CNBD1: variants seen among roughly 807,000 people sequenced by gnomAD.
CNBD1 encodes cyclic nucleotide-binding domain-containing protein 1.
A neutral mutation model predicts 54.4 loss-of-function variants in CNBD1; 71 were observed. The ratio of observed to expected loss-of-function variants is 1.30; its 90% confidence interval spans 1.08 to 1.59. The LOEUF (loss-of-function observed/expected upper bound fraction) is 1.59. Ranked by LOEUF, CNBD1 falls within the 40% of genes most tolerant of loss-of-function variation. The probability of loss-of-function intolerance (pLI) is 0.00; values close to 1 mark genes in which losing one functional copy is unlikely to be tolerated. For missense variants in CNBD1, 659 were observed against 518.0 expected, an observed-to-expected ratio of 1.27 and a Z score of -2.64; for synonymous variants, 182 against 170.7, an observed-to-expected ratio of 1.07 and a Z score of -0.51.
At chr8:87,025,508 A>T (rs971064377) in intron 4 of CNBD1, among the ~76,000 whole-genome samples, 1 of 152,188 alleles carries the variant, frequency 6.6e-6, no homozygotes, top group African/African-American at 2.4e-5. Flanking sequence ...TAAGAGCTGT[A>T]ACACTCACTG....
chr8:87,363,000 C>T (rs1374239914), intron 10 of CNBD1, among the ~76,000 whole-genome samples: 2 of 152,048 alleles, frequency 1.3e-5, no homozygotes, highest in Admixed American at 6.6e-5. Flanking sequence ...GCTATCCCTC[C>T]TCTAGTACGC....
chr8:87,291,129 C>A (rs1808777451), intron 8 of CNBD1, among the ~76,000 whole-genome samples: 1 of 152,130 alleles, frequency 6.6e-6, no homozygotes, highest in South Asian at 2.1e-4. Context: ...AATGCAAAAT[C>A]TTTAATGTAG....
intron 3 of CNBD1, among the ~76,000 whole-genome samples, chr8:86,910,042 A>G (rs1462104522): frequency 6.6e-6 from 1 of 152,164 alleles, no homozygotes; most frequent in African/African-American, 2.4e-5. Flanking sequence ...AATCCTGCTA[A>G]TAATAATTTA....
intron 10 of CNBD1, among the ~76,000 whole-genome samples, chr8:87,358,146 A>T (rs1432641852): frequency 6.6e-6 from 1 of 152,170 alleles, no homozygotes; most frequent in Non-Finnish European, 1.5e-5. Context: ...CAGTCAAATA[A>T]ACCTCTTTCC....
intron 4 of CNBD1, among the ~76,000 whole-genome samples, chr8:87,026,818 G>A (rs1474581196): frequency 6.6e-6 from 1 of 152,136 alleles, no homozygotes; most frequent in African/African-American, 2.4e-5. Flanking sequence ...AGGAAGTTCA[G>A]CAAACAACAT....
chr8:87,096,281 A>G (rs1456678677), intron 4 of CNBD1, among the ~76,000 whole-genome samples: 2 of 150,894 alleles, frequency 1.3e-5, no homozygotes, highest in Admixed American at 1.3e-4. Context: ...TGTGGCTTAT[A>G]GCCGGCCTTC....
At chr8:87,400,965 G>T (rs1807554080) in intron 2 of CNBD1, among the ~76,000 whole-genome samples, 1 of 151,950 alleles carries the variant, frequency 6.6e-6, no homozygotes, top group African/African-American at 2.4e-5. Context: ...TAATTTTTGA[G>T]AAATGATTCT....
chr8:87,242,843 A>G (rs1807732938), intron 6 of CNBD1, among the ~76,000 whole-genome samples: 1 of 152,160 alleles, frequency 6.6e-6, no homozygotes. Context: ...TTAATTGTTG[A>G]TATTTATATT....
At chr8:87,239,287 T>G (rs1228976308) in intron 6 of CNBD1, among the ~76,000 whole-genome samples, 1 of 152,194 alleles carries the variant, frequency 6.6e-6, no homozygotes, top group African/African-American at 2.4e-5. Context: ...AAATTTAAAG[T>G]ATCCTTGCTA....
chr8:87,341,449 G>A (rs1810062104), intron 8 of CNBD1, among the ~76,000 whole-genome samples: 1 of 152,132 alleles, frequency 6.6e-6, no homozygotes. Flanking sequence ...ACATAGTGCT[G>A]TGCTGGGGGT....
Position 87,248,748 on chromosome 8 carries a change from T to A in CNBD1, c.771+11636T>A, listed in dbSNP as rs1468670574. On this transcript the variant is annotated intron_variant, in intron 6 of 10. Transcript: ENST00000518476. ...CACAGAGTCTTTTGATGTCCCCTCATTGGGTCTTTCCCCCTTTTCAAAGAA... is the reference window on the plus strand; with the variant it reads ...CACAGAGTCTTTTGATGTCCCCTCAATGGGTCTTTCCCCCTTTTCAAAGAA... Among the ~76,000 whole-genome samples the A allele has an allele frequency of 5.9e-5, 9 of 152,188 alleles. No individual in the cohort carries two copies. The East Asian group carries it at 1.5e-3, about 26-fold the overall frequency.
chr8:87,248,792 G>A (rs1030176953), intron 6 of CNBD1, among the ~76,000 whole-genome samples: 3 of 152,096 alleles, frequency 2.0e-5, no homozygotes, highest in African/African-American at 7.2e-5. Flanking sequence ...GTGACATTTG[G>A]TTTTTACTCA....
At chr8:86,947,906 C>T (rs1807505962) in intron 4 of CNBD1, among the ~76,000 whole-genome samples, 1 of 152,060 alleles carries the variant, frequency 6.6e-6, no homozygotes, top group Non-Finnish European at 1.5e-5. Context: ...CTCCCAACCA[C>T]CCTGCTACCC....
At chr8:87,148,991 C>T (rs1812545674) in intron 4 of CNBD1, among the ~76,000 whole-genome samples, 1 of 152,196 alleles carries the variant, frequency 6.6e-6, no homozygotes. Flanking sequence ...CCAGTTTTCT[C>T]ACCATTCCCA....
At chr8:87,376,145 T>C (rs768035539) in intron 10 of CNBD1, among the ~76,000 whole-genome samples, 1 of 151,904 alleles carries the variant, frequency 6.6e-6, no homozygotes, top group Non-Finnish European at 1.5e-5. Context: ...TTAGATGAGC[T>C]CTCAGTTCAT....
At chr8:87,042,185 G>A (rs959419355) in intron 4 of CNBD1, among the ~76,000 whole-genome samples, 7 of 152,190 alleles carry the variant, frequency 4.6e-5, no homozygotes, top group African/African-American at 1.4e-4. Context: ...AGTTTTTGGT[G>A]TCAGATAAAT....
intron 8 of CNBD1, among the ~76,000 whole-genome samples, chr8:87,291,762 G>C (rs969833616): frequency 6.6e-6 from 1 of 151,938 alleles, no homozygotes; most frequent in Non-Finnish European, 1.5e-5. Context: ...GAGACTAAAG[G>C]CACATGCCAC....
At chr8:87,137,804 A>C (rs770304238) in intron 4 of CNBD1, among the ~76,000 whole-genome samples, 12 of 152,160 alleles carry the variant, frequency 7.9e-5, no homozygotes. Context: ...GATGGGATGT[A>C]GAAGGATCTC....
chr8:87,358,011 C>A (rs1474968804), intron 10 of CNBD1, among the ~76,000 whole-genome samples: 3 of 152,138 alleles, frequency 2.0e-5, no homozygotes, highest in African/African-American at 7.2e-5. Flanking sequence ...CTCTCTCTTG[C>A]TCCCTCTCTC....
Sources: gnomAD v4.1 joint callset for allele counts (sites outside exome capture counted in the v4.1 genomes callset) on GRCh38, gnomAD v4.1.1 for gene constraint, MANE v1.5 for transcripts, NCBI Gene and HGNC (gene_info 2026-07-23, HGNC 2026-07-21) for gene names.